The following TENM3 variants were observed in gnomAD, a reference collection of about 807,000 sequenced individuals.
TENM3 encodes teneurin-3.
TENM3 carries 63 observed loss-of-function variants against 255.1 expected under a neutral mutation model. That is an observed-to-expected ratio of 0.25 (90% CI 0.20 to 0.30). The LOEUF is 0.30. TENM3 is among the 10% of genes least tolerant of loss of function. The pLI is 1.00. For synonymous variants in TENM3, 1,306 were observed against 1,322.3 expected (o/e 0.99, Z 0.27); for missense variants, 2,929 against 3,461.1 (o/e 0.85, Z 3.86).
At chr4:181,862,648 T>A in the TENM3 span, among the ~76,000 whole-genome samples, 1 of 152,166 alleles carries the variant, frequency 6.6e-6, no homozygotes, top group Non-Finnish European at 1.5e-5. Flanking sequence ...TTCTTTTCCA[T>A]GTGTTTTCTC....
chr4:182,248,158 T>C (rs1445227961), intron 1 of TENM3, among the ~76,000 whole-genome samples: 3 of 152,206 alleles, frequency 2.0e-5, no homozygotes, highest in Non-Finnish European at 4.4e-5. Flanking sequence ...AATTTGCTTT[T>C]AAAATATAAA....
chr4:182,022,566 A>G, the TENM3 span, among the ~76,000 whole-genome samples: 132 of 152,050 alleles, frequency 8.7e-4, 2 homozygotes, highest in Admixed American at 7.4e-3. Context: ...GAAAAGAGAC[A>G]TTTACTGTCT....
At chr4:181,758,978 C>T in the TENM3 span, among the ~76,000 whole-genome samples, 5 of 152,100 alleles carry the variant, frequency 3.3e-5, no homozygotes, top group African/African-American at 4.8e-5. Flanking sequence ...TCATGTTTTA[C>T]AAAAATTGTT....
At chr4:182,581,408 G>C (rs1745481948) in intron 3 of TENM3, among the ~76,000 whole-genome samples, 1 of 152,144 alleles carries the variant, frequency 6.6e-6, no homozygotes, top group African/African-American at 2.4e-5. Context: ...TTGTAGTACT[G>C]TTTAATTTAA....
intron 3 of TENM3, among the ~76,000 whole-genome samples, chr4:182,421,127 C>G (rs902372685): frequency 6.6e-6 from 1 of 152,162 alleles, no homozygotes; most frequent in Admixed American, 6.5e-5. Context: ...TAAAATTGCA[C>G]TGATAGACTA....
the TENM3 span, among the ~76,000 whole-genome samples, chr4:182,097,887 C>G: frequency 9.9e-4 from 150 of 152,240 alleles, 1 homozygote; most frequent in African/African-American, 3.2e-3. Flanking sequence ...ATGTGCATAA[C>G]TTGCTTTAGT....
At chr4:182,684,978 C>T (rs1756460376) in intron 11 of TENM3, among the ~76,000 whole-genome samples, 1 of 152,080 alleles carries the variant, frequency 6.6e-6, no homozygotes, top group Admixed American at 6.5e-5. Context: ...TCTCTGCTGC[C>T]CTATGAGTCA....
At chr4:181,785,409 C>T in the TENM3 span, among the ~76,000 whole-genome samples, 1 of 152,140 alleles carries the variant, frequency 6.6e-6, no homozygotes, top group Non-Finnish European at 1.5e-5. Flanking sequence ...GAGCTTGCCT[C>T]CCATTGGCTC....
At chr4:181,868,611 A>G in the TENM3 span, among the ~76,000 whole-genome samples, 1 of 152,198 alleles carries the variant, frequency 6.6e-6, no homozygotes. Context: ...AAAGGTATTC[A>G]TCACGTCAAA....
intron 24 of TENM3, among the ~76,000 whole-genome samples, chr4:182,786,761 T>C (rs976380132): frequency 1.3e-5 from 2 of 151,954 alleles, no homozygotes; most frequent in African/African-American, 4.8e-5. Flanking sequence ...TGCAAACACA[T>C]GGGCAATAAT....
At chr4:181,619,139 A>C in the TENM3 span, among the ~76,000 whole-genome samples, 2 of 152,066 alleles carry the variant, frequency 1.3e-5, no homozygotes, top group African/African-American at 4.8e-5. Flanking sequence ...CCGTGAGGAG[A>C]TACTGTCCCT....
chr4:181,891,909 G>T, the TENM3 span, among the ~76,000 whole-genome samples: 1 of 152,094 alleles, frequency 6.6e-6, no homozygotes, highest in Non-Finnish European at 1.5e-5. Flanking sequence ...ATTAAGCCAT[G>T]AGGACTCCTT....
intron 24 of TENM3, among the ~76,000 whole-genome samples, chr4:182,779,892 T>A (rs1346035831): frequency 6.6e-6 from 1 of 152,186 alleles, no homozygotes; most frequent in East Asian, 1.9e-4. Context: ...CTTCGCCCAC[T>A]TTTTGATGGG....
chr4:182,562,954 A>G (rs1016917543), intron 3 of TENM3, among the ~76,000 whole-genome samples: 2 of 152,152 alleles, frequency 1.3e-5, no homozygotes, highest in Admixed American at 6.6e-5. Context: ...TTAAAGATCA[A>G]TACTTTATTT....
At chr4:182,411,750 G>T (rs1390334588) in intron 3 of TENM3, among the ~76,000 whole-genome samples, 1 of 152,170 alleles carries the variant, frequency 6.6e-6, no homozygotes, top group South Asian at 2.1e-4. Context: ...TGCCATTGAG[G>T]TGAGGAAGAT....
Position 182,487,728 on chromosome 4 carries a change from G to T in TENM3, c.512-113196G>T, listed in dbSNP as rs1231827412. On this transcript the variant is annotated intron_variant, in intron 3 of 27. Transcript: ENST00000511685. ...CTCTACCCTCAAGGAGTTGATGCAGGTAACATAATCACATGATAGATGCTT... is the reference window on the plus strand; with the variant it reads ...CTCTACCCTCAAGGAGTTGATGCAGTTAACATAATCACATGATAGATGCTT... 2.0e-5 allele frequency among the ~76,000 whole-genome samples: 3 copies of T among 152,204 alleles called. No individual in the cohort carries two copies. In the East Asian group the frequency reaches 5.8e-4, roughly 29 times the overall value.
At chr4:182,103,856 T>C in the TENM3 span, among the ~76,000 whole-genome samples, 3 of 151,728 alleles carry the variant, frequency 2.0e-5, 1 homozygote, top group Non-Finnish European at 2.9e-5. Context: ...TTAAAATGAA[T>C]ACTGTCTTTC....
At chr4:181,613,978 G>C in the TENM3 span, among the ~76,000 whole-genome samples, 2 of 151,498 alleles carry the variant, frequency 1.3e-5, no homozygotes, top group South Asian at 2.1e-4. Flanking sequence ...GTCAAACAAA[G>C]CCACTTTTCT....
At chr4:181,888,494 G>GTGTATATATATATA in the TENM3 span, among the ~76,000 whole-genome samples, 1 of 28,242 alleles carries the variant, frequency 3.5e-5, no homozygotes. Flanking sequence ...ATAGAAATGT[G>GTGTATATATATATA]TATATATATA....
Sources: gnomAD v4.1 joint callset for allele counts (sites outside exome capture counted in the v4.1 genomes callset) on GRCh38, gnomAD v4.1.1 for gene constraint, MANE v1.5 for transcripts, NCBI Gene and HGNC (gene_info 2026-07-23, HGNC 2026-07-21) for gene names.